Variants in DOCK3 observed in about 807,000 individuals in gnomAD.
DOCK3 encodes the protein dedicator of cytokinesis protein 3.
Under a neutral mutation model 265.6 loss-of-function variants are expected in DOCK3, and 60 were observed. That is an observed-to-expected ratio of 0.23 (90% CI 0.18 to 0.28). DOCK3 has a LOEUF of 0.28. Ranked by LOEUF, DOCK3 falls within the 10% of genes least tolerant of loss-of-function variation. DOCK3 has a pLI of 1.00. For synonymous variants in DOCK3, 881 were observed against 938.0 expected (o/e 0.94, Z 1.11); for missense variants, 1,981 against 2,594.3 (o/e 0.76, Z 5.14).
chr3:51,355,314 A>G (rs960649571), intron 41 of DOCK3, among the ~76,000 whole-genome samples: 20 of 152,136 alleles, frequency 1.3e-4, no homozygotes, highest in African/African-American at 4.3e-4. Context: ...ACCCTGCCCT[A>G]TGAGGAGTCT....
chr3:51,319,762 G>T (rs1447701954), intron 32 of DOCK3, among the ~76,000 whole-genome samples: 2 of 152,004 alleles, frequency 1.3e-5, no homozygotes, highest in African/African-American at 4.8e-5. Flanking sequence ...CTACTCAAGA[G>T]GCTGAGGCAG....
At chr3:50,776,989 A>G in intron 1 of DOCK3, among the ~76,000 whole-genome samples, 1 of 152,188 alleles carries the variant, frequency 6.6e-6, no homozygotes, top group African/African-American at 2.4e-5. Flanking sequence ...AGCAGACAAG[A>G]GAAGAGAGAA....
At chr3:50,738,603 T>C (rs2108203940) in intron 1 of DOCK3, among the ~76,000 whole-genome samples, 1 of 152,334 alleles carries the variant, frequency 6.6e-6, no homozygotes, top group East Asian at 1.9e-4. Context: ...GAGGGTAGGT[T>C]ATAAAGGAAA....
At chr3:50,680,433 C>T (rs569933520) in intron 1 of DOCK3, among the ~76,000 whole-genome samples, 5 of 150,430 alleles carry the variant, frequency 3.3e-5, no homozygotes, top group East Asian at 2.0e-4. Context: ...AGGCCGGTCT[C>T]GAGCTCCTGA....
chr3:51,265,893 G>GAGGA (rs778901675), intron 23 of DOCK3, among the ~76,000 whole-genome samples: 16 of 152,204 alleles, frequency 1.1e-4, no homozygotes, highest in Non-Finnish European at 1.9e-4. Context: ...AATAGGAAGA[G>GAGGA]AGGAAGTGAA....
rs73833971 is a variant in DOCK3 at position 51,025,940 on chromosome 3, G to A, written c.316-38508G>A. Among the ~76,000 whole-genome samples the A allele has an allele frequency of 6.6e-3, 1,008 of 152,226 alleles. 12 individuals carry two copies. Among genetic ancestry groups the A allele is most frequent in the African/African-American group, 0.023 (967 of 41,518 alleles). ...AGACTCTCCCCTTCTCACACTCTGA[G>A]AACTTAGTTTTTCACCTGTCTCATG... On this transcript the variant is annotated intron_variant, in intron 5 of 52. Coordinates refer to ENST00000266037, the MANE Select transcript of DOCK3 (RefSeq NM_004947.5).
chr3:50,824,936 T>C (rs1364130430), intron 2 of DOCK3, among the ~76,000 whole-genome samples: 3 of 152,238 alleles, frequency 2.0e-5, no homozygotes, highest in African/African-American at 7.2e-5. Flanking sequence ...CTTGCAATTT[T>C]GTTTAATATT....
chr3:51,256,142 ACCCT>A (rs2079532279), intron 22 of DOCK3, among the ~76,000 whole-genome samples: 2 of 152,068 alleles, frequency 1.3e-5, no homozygotes, highest in African/African-American at 4.8e-5. Context: ...TCCACTCCAG[ACCCT>A]GTTTGCCTGG....
intron 12 of DOCK3, among the ~76,000 whole-genome samples, chr3:51,205,339 TAGAG>T (rs761167943): frequency 2.6e-5 from 4 of 151,912 alleles, no homozygotes; most frequent in African/African-American, 9.7e-5. Context: ...AAGAGTAAGA[TAGAG>T]AGGCATGAAA....
chr3:50,853,186 C>A (rs2046421285), intron 3 of DOCK3, among the ~76,000 whole-genome samples: 1 of 152,128 alleles, frequency 6.6e-6, no homozygotes, highest in Non-Finnish European at 1.5e-5. Flanking sequence ...TGCCTTCTCT[C>A]CCTTCCCTTC....
intron 9 of DOCK3, among the ~76,000 whole-genome samples, chr3:51,132,178 T>A (rs1178145210): frequency 6.6e-6 from 1 of 152,196 alleles, no homozygotes; most frequent in Non-Finnish European, 1.5e-5. Context: ...CAAGCTGCAA[T>A]ATTAAATGCA....
At chr3:51,246,843 C>T (rs745777983) in intron 22 of DOCK3, 36 bp downstream of exon 22, 6 of 1,587,280 alleles carry the variant, frequency 3.8e-6, no homozygotes, top group Non-Finnish European at 5.2e-6. Context: ...AAGAGACCCA[C>T]TCATGCAATT....
intron 5 of DOCK3, among the ~76,000 whole-genome samples, chr3:51,031,484 A>G (rs1004276296): frequency 1.3e-5 from 2 of 152,180 alleles, no homozygotes; most frequent in South Asian, 4.1e-4. Flanking sequence ...ACTTATTTTC[A>G]TCAGTACTTT....
chr3:50,684,120 A>G (rs1323489688), intron 1 of DOCK3, among the ~76,000 whole-genome samples: 2 of 151,912 alleles, frequency 1.3e-5, no homozygotes, highest in East Asian at 3.9e-4. Context: ...TAACTGAAAA[A>G]GCTCAAATGT....
chr3:51,365,481 T>C (rs371050515), intron 49 of DOCK3, among the ~76,000 whole-genome samples: 1 of 152,150 alleles, frequency 6.6e-6, no homozygotes, highest in East Asian at 1.9e-4. Context: ...CCTTTATTTC[T>C]TTCTCCTGCC....
chr3:50,801,959 CTTT>C (rs2043095042), intron 2 of DOCK3, among the ~76,000 whole-genome samples: 1 of 152,128 alleles, frequency 6.6e-6, no homozygotes, highest in African/African-American at 2.4e-5. Context: ...TGCCTTGTCT[CTTT>C]TTACAGCTTT....
intron 14 of DOCK3, among the ~76,000 whole-genome samples, chr3:51,215,406 C>T (rs911376998): frequency 7.9e-5 from 12 of 152,230 alleles, no homozygotes; most frequent in African/African-American, 2.4e-4. Flanking sequence ...GCTGGGATTA[C>T]AGGCTTGAGC....
At chr3:50,947,671 T>G (rs2076462713) in intron 5 of DOCK3, among the ~76,000 whole-genome samples, 2 of 152,042 alleles carry the variant, frequency 1.3e-5, no homozygotes, top group African/African-American at 4.8e-5. Flanking sequence ...ATGAAATATG[T>G]GGAATATCTG....
At chr3:51,190,510 G>A (rs541444435) in intron 12 of DOCK3, among the ~76,000 whole-genome samples, 5 of 152,190 alleles carry the variant, frequency 3.3e-5, no homozygotes, top group Admixed American at 6.5e-5. Context: ...CTGGTTAGCC[G>A]GGGTGGTGCA....
Sources: gnomAD v4.1 joint callset for allele counts (sites outside exome capture counted in the v4.1 genomes callset) on GRCh38, gnomAD v4.1.1 for gene constraint, MANE v1.5 for transcripts, NCBI Gene and HGNC (gene_info 2026-07-23, HGNC 2026-07-21) for gene names.